The following DDX27 variants were observed in gnomAD, a reference collection of about 807,000 sequenced individuals.
DDX27 encodes DEAD-box helicase 27.
DDX27 carries 42 observed loss-of-function variants against 99.3 expected under a neutral mutation model. The observed-to-expected ratio is 0.42, with a 90% confidence interval of 0.33 to 0.55. The LOEUF (loss-of-function observed/expected upper bound fraction) is 0.55, where lower values mean the gene tolerates loss of function less well. Among genes scored for constraint, DDX27 ranks in the 20% least tolerant of loss-of-function variants. DDX27 has a pLI of 0.07. For synonymous variants in DDX27, 329 were observed against 353.8 expected (o/e 0.93, Z 0.79); for missense variants, 798 against 976.8 (o/e 0.82, Z 2.44).
chr20:49,229,231 C>T (rs996537099), intron 8 of DDX27, among the ~76,000 whole-genome samples: 42 of 151,822 alleles, frequency 2.8e-4, no homozygotes, highest in African/African-American at 9.7e-4. Flanking sequence ...AGGTTTTCAC[C>T]GTGTTAGCCA....
chr20:49,221,377 T>G, intron 1 of DDX27, 75 bp from the exon 2 acceptor site: 1 of 1,579,752 alleles, frequency 6.3e-7, no homozygotes, highest in Non-Finnish European at 8.7e-7. Context: ...TGTGAGCCAC[T>G]GTGCCTGGCC....
chr20:49,233,455 G>C (rs922956689), intron 10 of DDX27, 50 bp downstream of exon 10: 1 of 1,605,258 alleles, frequency 6.2e-7, no homozygotes, highest in South Asian at 1.1e-5. Flanking sequence ...CCCAGAGGGG[G>C]CCATGCAGAG....
chr20:49,237,130 C>G (rs1006583815), intron 14 of DDX27, among the ~76,000 whole-genome samples: 2 of 151,954 alleles, frequency 1.3e-5, no homozygotes, highest in Non-Finnish European at 2.9e-5. Flanking sequence ...GCCAGGAGTT[C>G]AAGACCAACC....
intron 20 of DDX27, 55 bp from the exon 21 acceptor site, chr20:49,243,761 A>G: frequency 6.2e-7 from 1 of 1,614,096 alleles, no homozygotes; most frequent in South Asian, 1.1e-5. Flanking sequence ...AAAACCTTTC[A>G]TGGAAAAGAA....
chr20:49,228,677 ACTT>A, intron 7 of DDX27, 35 bp from the exon 8 acceptor site: 1 of 1,548,848 alleles, frequency 6.5e-7, no homozygotes, highest in Non-Finnish European at 8.8e-7. Flanking sequence ...AGGGAGCTAA[ACTT>A]CTTCTCATTG....
intron 9 of DDX27, among the ~76,000 whole-genome samples, chr20:49,231,756 G>C (rs1980119868): frequency 1.3e-5 from 2 of 152,196 alleles, no homozygotes; most frequent in African/African-American, 2.4e-5. Context: ...AGTATCTCAT[G>C]ATGGAGCGTG....
chr20:49,234,851 G>T, intron 11 of DDX27, 84 bp from the exon 12 acceptor site: 2 of 1,476,910 alleles, frequency 1.4e-6, no homozygotes, highest in South Asian at 2.7e-5. Flanking sequence ...CAGGCACAGT[G>T]ACCATACTTT....
At chr20:49,233,876 T>C (rs1241856687) in intron 11 of DDX27, 167 bp downstream of exon 11, 1 of 716,840 alleles carries the variant, frequency 1.4e-6, no homozygotes, top group East Asian at 2.7e-5. Context: ...TCTCCACGGG[T>C]CCTTCCTCCC....
intron 12 of DDX27, chr20:49,235,704 G>A (rs1248847041): frequency 6.4e-6 from 1 of 156,480 alleles, no homozygotes; most frequent in African/African-American, 2.4e-5. Context: ...GTTGAAGGGT[G>A]GGTGTAAATA....
At chr20:49,228,662 C>A in intron 7 of DDX27, 53 bp from the exon 8 acceptor site, 2 of 1,502,598 alleles carry the variant, frequency 1.3e-6, no homozygotes, top group Non-Finnish European at 1.8e-6. Flanking sequence ...AAAACCTAAC[C>A]CTGGAGGGAG....
rs1979762208 is a variant in DDX27, at chr20:49,223,368, G to C, written c.401G>C (p.Gly134Ala). 1.9e-6 allele frequency: 3 copies of C among 1,614,030 alleles called. No individual in the cohort carries two copies. The highest frequency in any genetic ancestry group is 2.2e-5 in the East Asian group (1 of 44,874). Residue 134 changes from glycine (G) to alanine (A), a missense_variant, in exon 4 of 21, where the codon GGC (glycine) becomes GCC (alanine). By Grantham distance (60) the Gly-to-Ala change is moderately conservative (BLOSUM62 0). Transcript: ENST00000618172. ...GACCTTCAAGAGAATGATGAGGAAG[G>C]CTCAGAAGATGAAGCCTCGGAGACT... is the stretch of plus-strand genomic sequence containing the variant. ...QEDLQENDEE[G>A]SEDEASETDY...
chr20:49,229,447 T>G (rs540440590), intron 8 of DDX27, among the ~76,000 whole-genome samples: 1 of 152,266 alleles, frequency 6.6e-6, no homozygotes, highest in Non-Finnish European at 1.5e-5. Flanking sequence ...ATTTGGGGTA[T>G]AATTTCTGCT....
chr20:49,224,326 C>T (rs939682833), intron 4 of DDX27, among the ~76,000 whole-genome samples: 2 of 151,810 alleles, frequency 1.3e-5, no homozygotes, highest in Non-Finnish European at 2.9e-5. Flanking sequence ...TCAGATGGGT[C>T]CAGCCACATA....
chr20:49,242,251 T>G, intron 18 of DDX27, 45 bp downstream of exon 18: 1 of 1,605,584 alleles, frequency 6.2e-7, no homozygotes. Context: ...AGGTTTTCCC[T>G]GAAACCTGTG....
intron 6 of DDX27, 146 bp from the exon 7 acceptor site, chr20:49,226,284 A>G (rs1979883373): frequency 1.8e-6 from 1 of 570,810 alleles, no homozygotes; most frequent in African/African-American, 1.9e-5. Flanking sequence ...ACCACCTCAC[A>G]CATAGTAGGC....
chr20:49,235,843 A>G (rs1284402098), intron 12 of DDX27: 1 of 182,772 alleles, frequency 5.5e-6, no homozygotes, highest in East Asian at 1.3e-4. Context: ...TCCCAGGTTC[A>G]CGCCATTCTC....
chr20:49,226,104 A>G (rs930851246), intron 6 of DDX27, among the ~76,000 whole-genome samples: 6 of 151,982 alleles, frequency 3.9e-5, no homozygotes, highest in African/African-American at 7.3e-5. Context: ...TGGCAGCCCT[A>G]CCGTGAATAG....
chr20:49,219,454 T>G lies in DDX27; in HGVS notation c.6T>G (p.Leu2=), dbSNP rs767752435. The G allele has an allele frequency of 1.2e-6, 2 of 1,614,084 alleles. No homozygotes were observed. Among genetic ancestry groups the G allele is most frequent in the Non-Finnish European group, 1.7e-6 (2 of 1,179,998 alleles). M[L]ADLGLIGTIG... The stretch of plus-strand genomic sequence containing the variant: ...GAAGTGGCTTCTGCGACAACATGCT[T>G]GCGGACCTCGGCTTAATCGGAACCA... The change falls in exon 1 of 21, where the codon CTT becomes CTG. Residue 2 remains leucine (L), a synonymous_variant. Transcript: ENST00000618172.
chr20:49,230,514 A>G (rs1328443475), intron 9 of DDX27, among the ~76,000 whole-genome samples, 165 bp downstream of exon 9: 1 of 152,104 alleles, frequency 6.6e-6, no homozygotes, highest in East Asian at 1.9e-4. Flanking sequence ...GCCTTAGCCC[A>G]TGTTTTCCTC....
Sources: allele counts gnomAD v4.1 joint callset (sites outside exome capture counted in the v4.1 genomes callset), GRCh38; gene constraint gnomAD v4.1.1; transcripts MANE v1.5; gene names NCBI Gene and HGNC (gene_info 2026-07-23, HGNC 2026-07-21).